MDGA2: variants seen among roughly 807,000 people sequenced by gnomAD.
MDGA2 encodes MAM domain-containing glycosylphosphatidylinositol anchor protein 2.
Under a neutral mutation model 117.8 loss-of-function variants are expected in MDGA2, and 40 were observed. The observed-to-expected ratio is 0.34, with a 90% CI of 0.26 to 0.44. MDGA2 has a LOEUF of 0.44. Among genes scored for constraint, MDGA2 ranks in the 20% least tolerant of loss-of-function variants. The pLI is 1.00. For missense variants in MDGA2, 1,123 were observed against 1,250.6 expected (o/e 0.90, Z 1.54); for synonymous variants, 452 against 439.0 (o/e 1.03, Z -0.37).
At chr14:46,858,072 AT>A in intron 14 of MDGA2, among the ~76,000 whole-genome samples, 1 of 151,458 alleles carries the variant, frequency 6.6e-6, no homozygotes, top group Non-Finnish European at 1.5e-5. Flanking sequence ...AAAAGTACTT[AT>A]ATATAATGTA....
At chr14:47,077,403 T>A (rs1159551002) in intron 6 of MDGA2, among the ~76,000 whole-genome samples, 1 of 152,102 alleles carries the variant, frequency 6.6e-6, no homozygotes, top group African/African-American at 2.4e-5. Context: ...ATGCAGTTGT[T>A]CTCTCCCTTT....
At chr14:46,851,215 G>C (rs2138288308) in intron 15 of MDGA2, among the ~76,000 whole-genome samples, 1 of 151,866 alleles carries the variant, frequency 6.6e-6, no homozygotes, top group East Asian at 1.9e-4. Flanking sequence ...AAAACGTAAA[G>C]AGCATCTTGT....
chr14:47,553,878 T>C (rs562680753), intron 1 of MDGA2, among the ~76,000 whole-genome samples: 10 of 152,238 alleles, frequency 6.6e-5, no homozygotes, highest in African/African-American at 2.4e-4. Context: ...TAACTACCTA[T>C]ACTTTCCTAA....
chr14:47,094,824 C>A (rs906651194), intron 6 of MDGA2, among the ~76,000 whole-genome samples: 2 of 151,560 alleles, frequency 1.3e-5, no homozygotes, highest in African/African-American at 2.4e-5. Flanking sequence ...AAACAAACAC[C>A]GATTACAATA....
intron 1 of MDGA2, among the ~76,000 whole-genome samples, chr14:47,666,443 A>G (rs879123963): frequency 6.6e-6 from 1 of 152,130 alleles, no homozygotes; most frequent in African/African-American, 2.4e-5. Flanking sequence ...AAATGCACCA[A>G]TCAGCACTCT....
intron 1 of MDGA2, among the ~76,000 whole-genome samples, chr14:47,359,045 C>T (rs1277052862): frequency 1.3e-5 from 2 of 152,144 alleles, no homozygotes; most frequent in Non-Finnish European, 2.9e-5. Context: ...TTGAAGACAT[C>T]ATATGTCCTA....
At chr14:47,367,215 T>C (rs1891249968) in intron 1 of MDGA2, among the ~76,000 whole-genome samples, 2 of 152,224 alleles carry the variant, frequency 1.3e-5, no homozygotes, top group Admixed American at 1.3e-4. Context: ...TCACAGGAAG[T>C]TGTATTCTTT....
chr14:46,929,601 G>GTGTGTGTATGTGTGTA (rs1398520996), intron 9 of MDGA2, among the ~76,000 whole-genome samples: 2 of 12,676 alleles, frequency 1.6e-4, no homozygotes, highest in African/African-American at 4.3e-4. Flanking sequence ...GTGTGTGTGT[G>GTGTGTGTATGTGTGTA]TATATATATA....
intron 8 of MDGA2, among the ~76,000 whole-genome samples, chr14:46,987,102 G>A (rs139862904): frequency 8.8e-4 from 134 of 152,180 alleles, no homozygotes; most frequent in Non-Finnish European, 1.3e-3. Context: ...ACTAAAACAC[G>A]TAACATAGAA....
chr14:47,061,665 A>C, intron 6 of MDGA2, 87 bp from the exon 7 acceptor site: 1 of 1,109,300 alleles, frequency 9.0e-7, no homozygotes, highest in African/African-American at 1.6e-5. Flanking sequence ...TCTGAGCTGA[A>C]ATAAAGTAAA....
chr14:47,566,254 C>T (rs117818533), intron 1 of MDGA2, among the ~76,000 whole-genome samples: 1 of 152,268 alleles, frequency 6.6e-6, no homozygotes, highest in East Asian at 1.9e-4. Flanking sequence ...TCTGCTAGTA[C>T]AGGAGCTATG....
At chr14:46,849,703 C>CA (rs1566489968) in intron 15 of MDGA2, among the ~76,000 whole-genome samples, 2 of 151,766 alleles carry the variant, frequency 1.3e-5, no homozygotes, top group African/African-American at 2.4e-5. Context: ...CTTTACACAA[C>CA]AAAAAATCTT....
intron 5 of MDGA2, among the ~76,000 whole-genome samples, chr14:47,102,366 AAC>A (rs3039394): frequency 0.16 from 23,875 of 148,214 alleles, 1,919 homozygotes; most frequent in Admixed American, 0.21. Flanking sequence ...AGGAAGGAGA[AAC>A]ACACACACAC....
At chr14:46,923,780 C>T (rs1013817128) in intron 9 of MDGA2, among the ~76,000 whole-genome samples, 2 of 152,014 alleles carry the variant, frequency 1.3e-5, no homozygotes, top group Non-Finnish European at 2.9e-5. Flanking sequence ...GCCAATTATA[C>T]TTTATGCTTA....
intron 7 of MDGA2, chr14:47,059,234 A>G (rs1427211427): frequency 1.4e-5 from 14 of 987,346 alleles, no homozygotes; most frequent in Non-Finnish European, 2.0e-5. Context: ...TTGAGATTAT[A>G]GCAATGAGTG....
At chr14:47,311,730 C>G (rs1594788345) in intron 1 of MDGA2, among the ~76,000 whole-genome samples, 1 of 152,070 alleles carries the variant, frequency 6.6e-6, no homozygotes, top group African/African-American at 2.4e-5. Flanking sequence ...CCCTGAAGAT[C>G]ATGTGTTTTT....
intron 7 of MDGA2, among the ~76,000 whole-genome samples, chr14:47,038,546 C>T (rs1012738025): frequency 2.6e-5 from 4 of 151,964 alleles, no homozygotes; most frequent in African/African-American, 9.7e-5. Flanking sequence ...GAAATATAAA[C>T]CTCAATTTTA....
At chr14:47,646,197 A>G (rs1897531206) in intron 1 of MDGA2, among the ~76,000 whole-genome samples, 1 of 151,990 alleles carries the variant, frequency 6.6e-6, no homozygotes, top group Admixed American at 6.6e-5. Flanking sequence ...ACAATATACC[A>G]ATAGGTTTTG....
intron 16 of MDGA2, among the ~76,000 whole-genome samples, chr14:46,844,344 C>T (rs1880733195): frequency 6.6e-6 from 1 of 152,078 alleles, no homozygotes. Context: ...GTTTGGGAGG[C>T]CGAGGCAGGT....
Sources: allele counts gnomAD v4.1 joint callset (sites outside exome capture counted in the v4.1 genomes callset), GRCh38; gene constraint gnomAD v4.1.1; transcripts MANE v1.5; gene names NCBI Gene and HGNC (gene_info 2026-07-23, HGNC 2026-07-21).